MTHFD2L: variants seen among roughly 807,000 people sequenced by gnomAD.
The protein encoded by MTHFD2L is methylenetetrahydrofolate dehydrogenase (NADP+ dependent) 2 like, also known as bifunctional methylenetetrahydrofolate dehydrogenase/cyclohydrolase 2, mitochondrial.
Under a neutral mutation model 34.9 loss-of-function variants are expected in MTHFD2L, and 29 were observed. That is an observed-to-expected ratio of 0.83 (90% CI 0.62 to 1.13). The LOEUF (loss-of-function observed/expected upper bound fraction) is 1.13. MTHFD2L is among the 50% of genes most tolerant of loss of function. The probability of loss-of-function intolerance (pLI) is 0.00; values close to 1 mark genes in which losing one functional copy is unlikely to be tolerated. For missense variants in MTHFD2L, 481 were observed against 446.5 expected (o/e 1.08, Z -0.70); for synonymous variants, 167 against 155.7 (o/e 1.07, Z -0.54).
intron 3 of MTHFD2L, among the ~76,000 whole-genome samples, chr4:74,192,500 T>G (rs1384353637): frequency 6.6e-6 from 1 of 152,194 alleles, no homozygotes; most frequent in East Asian, 1.9e-4. Context: ...TTATGTTATG[T>G]GAAATTTACA....
At chr4:74,170,166 A>G (rs1727606242) in intron 1 of MTHFD2L, among the ~76,000 whole-genome samples, 1 of 152,212 alleles carries the variant, frequency 6.6e-6, no homozygotes. Context: ...AAGCTACATG[A>G]TAACATTATA....
chr4:74,161,389 A>G (rs1725430134), intron 1 of MTHFD2L: 2 of 152,116 alleles, frequency 1.3e-5, no homozygotes, highest in Admixed American at 6.5e-5. Flanking sequence ...ATCATCTTCT[A>G]TTTAGTTGGC....
At chr4:74,131,944 T>C (rs1426664386) in intron 1 of MTHFD2L, among the ~76,000 whole-genome samples, 1 of 152,188 alleles carries the variant, frequency 6.6e-6, no homozygotes, top group African/African-American at 2.4e-5. Context: ...CAGACACTTC[T>C]TAAAAGAAGA....
intron 1 of MTHFD2L, among the ~76,000 whole-genome samples, chr4:74,127,947 G>C (rs1334792754): frequency 6.6e-6 from 1 of 152,050 alleles, no homozygotes; most frequent in Non-Finnish European, 1.5e-5. Context: ...ATTGTAAGTG[G>C]GGTTAGATGA....
At chr4:74,195,847 G>T in intron 3 of MTHFD2L, 1 of 153,966 alleles carries the variant, frequency 6.5e-6, no homozygotes, top group South Asian at 1.8e-4. Context: ...AGGTAGGTGA[G>T]AGACAAATGG....
chr4:74,181,135 A>G (rs1730083676), intron 3 of MTHFD2L, among the ~76,000 whole-genome samples: 1 of 152,160 alleles, frequency 6.6e-6, no homozygotes, highest in African/African-American at 2.4e-5. Context: ...GAATTCTGCT[A>G]TAAATGTTTG....
At chr4:74,142,574 C>T (rs924409301) in intron 1 of MTHFD2L, among the ~76,000 whole-genome samples, 1 of 152,206 alleles carries the variant, frequency 6.6e-6, no homozygotes, top group Admixed American at 6.5e-5. Context: ...GCCACCCAGT[C>T]TGTCATAATT....
At chr4:74,282,106 C>G (rs771432571) in intron 7 of MTHFD2L, among the ~76,000 whole-genome samples, 18 of 151,918 alleles carry the variant, frequency 1.2e-4, no homozygotes, top group Admixed American at 3.9e-4. Flanking sequence ...TACAAGGCAA[C>G]AAATATGTAG....
At chr4:74,285,156 C>A (rs564651995) in intron 7 of MTHFD2L, among the ~76,000 whole-genome samples, 1 of 151,432 alleles carries the variant, frequency 6.6e-6, no homozygotes, top group East Asian at 2.0e-4. Context: ...CACTTGGACA[C>A]AGGAAGGGAA....
intron 2 of MTHFD2L, among the ~76,000 whole-genome samples, chr4:74,117,258 C>A (rs1480573524): frequency 3.3e-5 from 5 of 152,176 alleles, no homozygotes; most frequent in Non-Finnish European, 7.3e-5. Flanking sequence ...GACACAGAAT[C>A]TTTTGGCTGC....
chr4:74,277,079 A>G (rs1746752403), intron 6 of MTHFD2L, among the ~76,000 whole-genome samples: 1 of 152,134 alleles, frequency 6.6e-6, no homozygotes, highest in African/African-American at 2.4e-5. Flanking sequence ...ATGGAGGAGC[A>G]AAATGGGTCC....
intron 1 of MTHFD2L, among the ~76,000 whole-genome samples, chr4:74,126,951 C>T (rs1279893735): frequency 3.3e-5 from 5 of 151,818 alleles, no homozygotes; most frequent in Admixed American, 6.6e-5. Flanking sequence ...ATCATGGGGG[C>T]GATTTCCCCC....
chr4:74,170,852 A>G (rs951636077), intron 1 of MTHFD2L, among the ~76,000 whole-genome samples: 1 of 151,948 alleles, frequency 6.6e-6, no homozygotes, highest in Admixed American at 6.6e-5. Context: ...ACTGGAAACC[A>G]TCATTCTCAG....
At chr4:74,118,040 T>C (rs1341957927) in intron 2 of MTHFD2L, among the ~76,000 whole-genome samples, 1 of 152,238 alleles carries the variant, frequency 6.6e-6, no homozygotes, top group Non-Finnish European at 1.5e-5. Flanking sequence ...ATATCCTATT[T>C]ACTGTTGTAC....
intron 6 of MTHFD2L, among the ~76,000 whole-genome samples, chr4:74,260,576 CTAGA>C (rs1189845495): frequency 6.6e-6 from 1 of 151,858 alleles, no homozygotes; most frequent in Non-Finnish European, 1.5e-5. Flanking sequence ...GACATAAATA[CTAGA>C]TAGTTTCAAG....
intron 6 of MTHFD2L, among the ~76,000 whole-genome samples, chr4:74,277,069 A>G (rs2110263127): frequency 6.6e-6 from 1 of 152,234 alleles, no homozygotes; most frequent in Middle Eastern, 3.4e-3. Flanking sequence ...TGAGGACAGC[A>G]TGGAGGAGCA....
chr4:74,299,755 A>G (rs553350821), intron 7 of MTHFD2L, among the ~76,000 whole-genome samples: 2 of 152,184 alleles, frequency 1.3e-5, no homozygotes, highest in East Asian at 3.9e-4. Context: ...TTCTAAGATT[A>G]AAAACAACCA....
intron 3 of MTHFD2L, chr4:74,195,528 G>A (rs1560473895): frequency 6.6e-6 from 1 of 152,202 alleles, no homozygotes; most frequent in South Asian, 2.1e-4. Context: ...TGGATGTTAG[G>A]TGTGAGAGAA....
chr4:74,184,190 C>G (rs1043755956), intron 3 of MTHFD2L, among the ~76,000 whole-genome samples: 1 of 152,014 alleles, frequency 6.6e-6, no homozygotes, highest in African/African-American at 2.4e-5. Context: ...TAAATTTATT[C>G]CTAGAAAATG....
Sources: gnomAD v4.1 joint callset for allele counts (sites outside exome capture counted in the v4.1 genomes callset) on GRCh38, gnomAD v4.1.1 for gene constraint, MANE v1.5 for transcripts, NCBI Gene and HGNC (gene_info 2026-07-23, HGNC 2026-07-21) for gene names.